FARP1: variants seen among roughly 807,000 people sequenced by gnomAD.
FARP1 encodes FERM, ARH/RhoGEF and pleckstrin domain protein 1, also known as FERM, ARHGEF and pleckstrin domain-containing protein 1.
FARP1 carries 52 observed loss-of-function variants against 128.8 expected under a neutral mutation model. The ratio of observed to expected loss-of-function variants is 0.40; its 90% CI spans 0.32 to 0.51. The LOEUF is 0.51. Ranked by LOEUF, FARP1 falls within the 20% of genes least tolerant of loss-of-function variation. The pLI, the probability that FARP1 is intolerant of heterozygous loss-of-function variation, is 0.45. For missense variants in FARP1, 1,333 were observed against 1,367.9 expected (o/e 0.97, Z 0.40); for synonymous variants, 580 against 551.8 (o/e 1.05, Z -0.72).
chr13:98,218,239 C>G (rs1159885170), intron 2 of FARP1, among the ~76,000 whole-genome samples: 1 of 152,082 alleles, frequency 6.6e-6, no homozygotes, highest in African/African-American at 2.4e-5. Flanking sequence ...CCACCAACTG[C>G]CAGGCCTCTC....
intron 16 of FARP1, among the ~76,000 whole-genome samples, chr13:98,415,612 G>T (rs1485955811): frequency 2.6e-5 from 4 of 152,252 alleles, no homozygotes; most frequent in African/African-American, 9.6e-5. Context: ...GTTGCTGCCA[G>T]TTCTGTCCCT....
intron 1 of FARP1, among the ~76,000 whole-genome samples, chr13:98,153,895 C>T (rs962214844): frequency 2.4e-4 from 36 of 152,050 alleles, no homozygotes; most frequent in Admixed American, 2.2e-3. Flanking sequence ...ATTTGTGTAA[C>T]CAACTCCACA....
At chr13:98,424,168 A>G (rs112830242) in intron 16 of FARP1, among the ~76,000 whole-genome samples, 1 of 152,362 alleles carries the variant, frequency 6.6e-6, no homozygotes, top group Non-Finnish European at 1.5e-5. Flanking sequence ...GGTGTCTAGC[A>G]GTACCCATCT....
chr13:98,360,090 CTTTT>C (rs55859311), intron 3 of FARP1, among the ~76,000 whole-genome samples: 2 of 104,614 alleles, frequency 1.9e-5, no homozygotes, highest in African/African-American at 4.0e-5. Flanking sequence ...GATTGTGTTG[CTTTT>C]TTTTTTTTTT....
chr13:98,248,747 C>G (rs1883186252), intron 2 of FARP1, among the ~76,000 whole-genome samples: 1 of 151,902 alleles, frequency 6.6e-6, no homozygotes, highest in Non-Finnish European at 1.5e-5. Context: ...CTTGTCTCAG[C>G]TCTCGCGCTG....
At chr13:98,339,776 T>C (rs1713332269) in intron 2 of FARP1, among the ~76,000 whole-genome samples, 1 of 151,804 alleles carries the variant, frequency 6.6e-6, no homozygotes, top group Admixed American at 6.6e-5. Flanking sequence ...TTTAACAGTT[T>C]TAAGGATCGA....
Position 98,377,939 on chromosome 13 carries a change from T to C in FARP1, c.496+21T>C, listed in dbSNP as rs1889664394. The C allele has an allele frequency of 2.0e-6, 3 of 1,532,570 alleles. No homozygotes were observed. In the African/African-American group the frequency reaches 4.1e-5, roughly 21 times the overall value. The allele number at this position is 1,532,570 out of a possible 1,614,324, so 94.9% of individuals were successfully genotyped here. A position where few individuals can be genotyped will look rare whatever the true frequency, so the allele number is the denominator to read the frequency against. On this transcript the variant is annotated intron_variant, in intron 6 of 26. Transcript: ENST00000319562. ...GCAATGTAAGTTCTATTGGTTTCCT[T>C]TGAAAATCATGTTCAAAATAACACA... is the stretch of plus-strand genomic sequence containing the variant.
At chr13:98,270,451 G>C (rs1465674887) in intron 2 of FARP1, among the ~76,000 whole-genome samples, 2 of 152,068 alleles carry the variant, frequency 1.3e-5, no homozygotes, top group African/African-American at 4.8e-5. Context: ...GGCATTGTAG[G>C]GTCCTGGTTT....
At chr13:98,363,651 C>G (rs1273970172) in intron 3 of FARP1, among the ~76,000 whole-genome samples, 4 of 152,230 alleles carry the variant, frequency 2.6e-5, no homozygotes, top group Non-Finnish European at 4.4e-5. Flanking sequence ...TTCCAACGGG[C>G]CAGTCCTAAA....
intron 1 of FARP1, among the ~76,000 whole-genome samples, chr13:98,160,704 C>T (rs1246376658): frequency 6.6e-6 from 1 of 152,002 alleles, no homozygotes; most frequent in African/African-American, 2.4e-5. Context: ...TGCTCTGTTG[C>T]CTAGGCTAGA....
chr13:98,268,406 C>A (rs1884230017), intron 2 of FARP1, among the ~76,000 whole-genome samples: 1 of 152,076 alleles, frequency 6.6e-6, no homozygotes, highest in African/African-American at 2.4e-5. Context: ...GAGATACTGG[C>A]CAGCAGAAAC....
intron 17 of FARP1, among the ~76,000 whole-genome samples, chr13:98,427,331 T>C (rs1268645875): frequency 1.3e-5 from 2 of 152,224 alleles, no homozygotes; most frequent in African/African-American, 4.8e-5. Context: ...TCCTCTCTCA[T>C]GTAACAGGAC....
chr13:98,153,586 T>G (rs1876289306), intron 1 of FARP1, among the ~76,000 whole-genome samples: 1 of 83,204 alleles, frequency 1.2e-5, no homozygotes, highest in Non-Finnish European at 3.3e-5. Context: ...TATTTCGAGA[T>G]AGACTCTTGC....
chr13:98,268,541 C>A (rs957013218), intron 2 of FARP1, among the ~76,000 whole-genome samples: 1 of 152,182 alleles, frequency 6.6e-6, no homozygotes, highest in Non-Finnish European at 1.5e-5. Flanking sequence ...GATCTCAGCT[C>A]ACTGCAACCT....
At chr13:98,372,587 A>G (rs758630641) in intron 5 of FARP1, among the ~76,000 whole-genome samples, 12 of 152,302 alleles carry the variant, frequency 7.9e-5, no homozygotes, top group Non-Finnish European at 1.8e-4. Context: ...GTGTTCTCTT[A>G]GACTGCAGGA....
intron 2 of FARP1, chr13:98,333,716 C>T (rs1887617949): frequency 2.0e-5 from 3 of 152,142 alleles, no homozygotes; most frequent in Admixed American, 6.5e-5. Flanking sequence ...AGTGTGGCCG[C>T]CCCTAGAGCC....
rs1431767005 is a variant in FARP1 at position 98,453,364 on chromosome 13, G to T, written c.*5047G>T. 1.4e-6 allele frequency: 1 copy of T among 733,164 alleles called. No homozygotes were observed. Among genetic ancestry groups the T allele is most frequent in the Non-Finnish European group, 2.2e-6 (1 of 452,284 alleles). The allele number at this position is 733,164 out of a possible 1,614,324, so 45.4% of individuals were successfully genotyped here. A position where few individuals can be genotyped will look rare whatever the true frequency, so the allele number is the denominator to read the frequency against. ...TCAATGTGTAAGTCTAATTTTAAAA[G>T]AATGCATATAAAGACTGAGAAGATC... On this transcript the variant is annotated 3_prime_UTR_variant, in exon 27 of 27. Coordinates refer to ENST00000319562, the MANE Select transcript of FARP1 (RefSeq NM_005766.4).
chr13:98,352,038 G>A (rs779972878), intron 3 of FARP1, among the ~76,000 whole-genome samples: 1 of 152,188 alleles, frequency 6.6e-6, no homozygotes, highest in Non-Finnish European at 1.5e-5. Flanking sequence ...GAAGGTGGTG[G>A]TGGTGGTGGA....
Position 98,446,225 on chromosome 13 carries a change from C to CCACCTGCCCTGTGCA in FARP1, c.2904+20_2904+21insCACCTGCCCTGTGCA. ...CACCAGGTAAGTGTCTCGCACAGGG[C>CCACCTGCCCTGTGCA]AGGTGGCCCTGGGACCTTGGGGGTG... On this transcript the variant is annotated intron_variant, in intron 25 of 26. Transcript: ENST00000319562. 6.5e-7 allele frequency: 1 copy of CCACCTGCCCTGTGCA among 1,547,744 alleles called. No homozygotes were observed. The highest frequency in any genetic ancestry group is 8.9e-7 in the Non-Finnish European group (1 of 1,120,894).
Sources: gnomAD v4.1 joint callset for allele counts (sites outside exome capture counted in the v4.1 genomes callset) on GRCh38, gnomAD v4.1.1 for gene constraint, MANE v1.5 for transcripts, NCBI Gene and HGNC (gene_info 2026-07-23, HGNC 2026-07-21) for gene names.